Variants in REEP3 observed in about 807,000 individuals in gnomAD.
REEP3 encodes the protein receptor expression-enhancing protein 3.
A neutral mutation model predicts 41.3 loss-of-function variants in REEP3; 20 were observed. That is an observed-to-expected ratio of 0.48 (90% CI 0.34 to 0.70). REEP3 has a LOEUF of 0.70. REEP3 is among the 30% of genes least tolerant of loss of function. The pLI is 0.01. For missense variants in REEP3, 271 were observed against 308.8 expected (o/e 0.88, Z 0.92); for synonymous variants, 104 against 101.8 (o/e 1.02, Z -0.13).
intron 1 of REEP3, among the ~76,000 whole-genome samples, chr10:63,552,248 C>CA (rs11455257): frequency 0.35 from 50,922 of 143,744 alleles, 9,171 homozygotes; most frequent in African/African-American, 0.46. Flanking sequence ...ACTAAAAATA[C>CA]AAAAAAAAAA....
At chr10:63,546,872 A>T (rs906283035) in intron 1 of REEP3, among the ~76,000 whole-genome samples, 2 of 152,254 alleles carry the variant, frequency 1.3e-5, no homozygotes, top group African/African-American at 4.8e-5. Flanking sequence ...TGGATCACAG[A>T]TAAAAATAAA....
At chr10:63,614,334 G>T (rs112641257) in intron 6 of REEP3, among the ~76,000 whole-genome samples, 1 of 152,150 alleles carries the variant, frequency 6.6e-6, no homozygotes, top group Non-Finnish European at 1.5e-5. Context: ...AACAATCATG[G>T]TCATTTATTT....
In REEP3 at chr10:63,533,497, A is replaced by G. The variant is rs890895315; in HGVS notation, c.32+11920A>G. 3.9e-5 allele frequency among the ~76,000 whole-genome samples: 6 copies of G among 152,020 alleles called. No homozygotes were observed. In the East Asian group the frequency reaches 1.2e-3, roughly 29 times the overall value. Reference sequence around the variant, plus strand: ...TCATTCAGTCCTTTTTATTTGCATTATATTTTTGGTTATTAATTTTCATCA... The same window carrying G: ...TCATTCAGTCCTTTTTATTTGCATTGTATTTTTGGTTATTAATTTTCATCA... On this transcript the variant is annotated intron_variant, in intron 1 of 7. Coordinates refer to ENST00000373758, the MANE Select transcript of REEP3 (RefSeq NM_001001330.3).
rs949138075 is a variant in REEP3, at chr10:63,620,381, C to G, written c.712-432C>G. ...ATAGTTCAAATACCCAGTCCCAGCC[C>G]TATGCATAAACAAAGAAAGCAATGA... On this transcript the variant is annotated intron_variant, in intron 7 of 7. Coordinates refer to ENST00000373758, the MANE Select transcript of REEP3 (RefSeq NM_001001330.3). Among the ~76,000 whole-genome samples the G allele has an allele frequency of 2.6e-5, 4 of 152,184 alleles. No homozygotes were observed. The South Asian group carries it at 8.3e-4, about 31-fold the overall frequency.
chr10:63,551,274 G>C (rs567064502), intron 1 of REEP3, among the ~76,000 whole-genome samples: 1 of 152,200 alleles, frequency 6.6e-6, no homozygotes, highest in South Asian at 2.1e-4. Context: ...AAGGAGATCT[G>C]GAACAATTTA....
chr10:63,590,418 G>T (rs1443860095), intron 2 of REEP3, among the ~76,000 whole-genome samples: 1 of 152,192 alleles, frequency 6.6e-6, no homozygotes, highest in Non-Finnish European at 1.5e-5. Flanking sequence ...TTACATGAAA[G>T]ATTAATGAAA....
chr10:63,621,040 A>G lies in REEP3; in HGVS notation c.*171A>G. ...TTTATTTCTGTAACAATTGCTTCCA[A>G]ATATTGACTACTAAAGGCAGTTCTG... On this transcript the variant is annotated 3_prime_UTR_variant, in exon 8 of 8. Coordinates refer to ENST00000373758, the MANE Select transcript of REEP3 (RefSeq NM_001001330.3). The G allele has an allele frequency of 2.0e-6, 1 of 493,780 alleles. No homozygotes were observed. Among genetic ancestry groups the G allele is most frequent in the Non-Finnish European group, 3.6e-6 (1 of 277,780 alleles). 30.6% of individuals were successfully genotyped at this position (493,780 alleles called of 1,614,324 possible). A position where few individuals can be genotyped will look rare whatever the true frequency, so the allele number is the denominator to read the frequency against.
chr10:63,599,589 G>A (rs528383414), intron 5 of REEP3: 6 of 587,412 alleles, frequency 1.0e-5, no homozygotes, highest in Non-Finnish European at 1.3e-5. Flanking sequence ...ATGTAAAGAT[G>A]ACCATTGTTT....
intron 1 of REEP3, among the ~76,000 whole-genome samples, chr10:63,556,181 A>G (rs538542386): frequency 1.1e-4 from 17 of 152,194 alleles, no homozygotes; most frequent in Admixed American, 8.5e-4. Context: ...ACCCACTGCA[A>G]CAGAGCTCAC....
chr10:63,593,729 A>C (rs1956087163), intron 2 of REEP3, among the ~76,000 whole-genome samples: 1 of 152,210 alleles, frequency 6.6e-6, no homozygotes. Flanking sequence ...TTAATCTGGC[A>C]TGCTTCTATG....
chr10:63,578,559 G>C (rs570190379), intron 2 of REEP3, among the ~76,000 whole-genome samples: 15 of 152,226 alleles, frequency 9.9e-5, no homozygotes, highest in Admixed American at 3.9e-4. Context: ...TCAATCGCTT[G>C]AGTCCAGGAG....
intron 1 of REEP3, among the ~76,000 whole-genome samples, chr10:63,544,870 T>A (rs1006189426): frequency 6.6e-6 from 1 of 152,194 alleles, no homozygotes; most frequent in African/African-American, 2.4e-5. Context: ...GACCCAATTC[T>A]CCCCGTATGT....
At chr10:63,611,161 G>A (rs1956274527) in intron 6 of REEP3, among the ~76,000 whole-genome samples, 1 of 152,230 alleles carries the variant, frequency 6.6e-6, no homozygotes, top group African/African-American at 2.4e-5. Context: ...ATGAATTTTA[G>A]AAGCTGTAGG....
intron 1 of REEP3, among the ~76,000 whole-genome samples, chr10:63,556,218 C>T (rs565935995): frequency 2.0e-5 from 3 of 152,246 alleles, no homozygotes; most frequent in East Asian, 1.9e-4. Context: ...CAGGTTTAAG[C>T]GATTCTCCTG....
chr10:63,604,419 G>C (rs1956204228), intron 5 of REEP3, among the ~76,000 whole-genome samples: 1 of 152,190 alleles, frequency 6.6e-6, no homozygotes, highest in Non-Finnish European at 1.5e-5. Flanking sequence ...GAAAAGTACT[G>C]TTAGTTGTAT....
intron 7 of REEP3, 113 bp from the exon 8 acceptor site, chr10:63,620,700 C>A (rs1368214159): frequency 5.0e-6 from 3 of 601,640 alleles, no homozygotes; most frequent in Admixed American, 3.3e-5. Context: ...TAAGAGAATT[C>A]ATTCTTTATA....
chr10:63,570,869 C>T (rs948116017), intron 2 of REEP3, among the ~76,000 whole-genome samples: 2 of 152,120 alleles, frequency 1.3e-5, no homozygotes, highest in African/African-American at 4.8e-5. Flanking sequence ...AATCCCAGCA[C>T]TTTGGGAGGC....
intron 2 of REEP3, among the ~76,000 whole-genome samples, chr10:63,592,364 C>A (rs1264098556): frequency 6.6e-6 from 1 of 152,120 alleles, no homozygotes; most frequent in Non-Finnish European, 1.5e-5. Context: ...TAGAGTCTCC[C>A]CAAGAGTCTA....
intron 1 of REEP3, among the ~76,000 whole-genome samples, chr10:63,563,885 T>G (rs143658297): frequency 6.6e-6 from 1 of 152,162 alleles, no homozygotes; most frequent in Non-Finnish European, 1.5e-5. Context: ...CTAATCATGA[T>G]TAGAGTGAAT....
Sources: allele counts gnomAD v4.1 joint callset (sites outside exome capture counted in the v4.1 genomes callset), GRCh38; gene constraint gnomAD v4.1.1; transcripts MANE v1.5; gene names NCBI Gene and HGNC (gene_info 2026-07-23, HGNC 2026-07-21).